Variants in AKAP13 observed in about 807,000 individuals in gnomAD.
AKAP13 encodes A-kinase anchor protein 13.
In AKAP13, 80 loss-of-function variants were observed where a neutral mutation model predicts 264.5. The ratio of observed to expected loss-of-function variants is 0.30; its 90% CI spans 0.25 to 0.36. The LOEUF is 0.36. AKAP13 is among the 10% of genes least tolerant of loss of function. AKAP13 has a pLI of 1.00. For missense variants in AKAP13, 3,712 were observed against 3,435.2 expected, an observed-to-expected ratio of 1.08 and a Z score of -2.01; for synonymous variants, 1,380 against 1,250.2, an observed-to-expected ratio of 1.10 and a Z score of -2.19.
chr15:85,410,151 C>G (rs2071889685), intron 1 of AKAP13, among the ~76,000 whole-genome samples: 2 of 151,264 alleles, frequency 1.3e-5, no homozygotes, highest in South Asian at 4.2e-4. Context: ...GTAATGTCTC[C>G]TTCCTTTCTT....
intron 1 of AKAP13, among the ~76,000 whole-genome samples, chr15:85,390,319 C>A (rs1055265191): frequency 5.3e-5 from 8 of 151,980 alleles, no homozygotes; most frequent in African/African-American, 1.9e-4. Flanking sequence ...TCAGACAAGG[C>A]CTTACTGAGG....
chr15:85,744,080 G>A, intron 36 of AKAP13: 1 of 487,920 alleles, frequency 2.0e-6, no homozygotes, highest in South Asian at 2.9e-5. Context: ...TCGAGGAACT[G>A]GAGCTCACCC....
At chr15:85,459,266 A>C (rs1011145268) in intron 1 of AKAP13, among the ~76,000 whole-genome samples, 3 of 151,262 alleles carry the variant, frequency 2.0e-5, no homozygotes, top group South Asian at 2.1e-4. Context: ...GCTCACTGCA[A>C]CCTCTGCCTT....
rs965561866 is a variant in AKAP13 at position 85,743,377 on chromosome 15, G to C, written c.8059-115G>C. Reference sequence around the variant, plus strand: ...AGACGTGAGCTCTGTAGAGTTCGCAGAGGTGGGTAAGTACCCAGCCAGCAC... The same window carrying C: ...AGACGTGAGCTCTGTAGAGTTCGCACAGGTGGGTAAGTACCCAGCCAGCAC... On this transcript the variant is annotated intron_variant, in intron 35 of 36. Transcript: ENST00000394518. The C allele has an allele frequency of 5.6e-4, 624 of 1,107,620 alleles. 3 individuals carry two copies. The highest frequency in any genetic ancestry group is 6.7e-4 in the Non-Finnish European group (520 of 774,428). 68.6% of individuals were successfully genotyped at this position (1,107,620 alleles called of 1,614,324 possible).
At chr15:85,602,422 C>T (rs759841751) in intron 8 of AKAP13, among the ~76,000 whole-genome samples, 16 of 151,858 alleles carry the variant, frequency 1.1e-4, no homozygotes, top group Admixed American at 2.6e-4. Context: ...GTGATCCTCC[C>T]GCCTCAGCCT....
In AKAP13 at chr15:85,449,139, AG is replaced by A. The variant is rs574884508; in HGVS notation, c.-11-36569del. ...CACCTCCCTGGTTAGCTGTATTCCT[AG>A]GTATTTTATTTTATGTTATTTTATG... On this transcript the variant is annotated intron_variant, in intron 1 of 36. Transcript: ENST00000394518. Among the ~76,000 whole-genome samples the A allele has an allele frequency of 2.6e-4, 39 of 152,022 alleles. No individual in the cohort carries two copies. In the East Asian group the frequency reaches 7.3e-3, roughly 29 times the overall value.
chr15:85,709,909 A>T (rs1444723303), intron 18 of AKAP13, among the ~76,000 whole-genome samples: 1 of 152,004 alleles, frequency 6.6e-6, no homozygotes, highest in African/African-American at 2.4e-5. Context: ...GCTGGTATCA[A>T]ACTCCTGACC....
At chr15:85,436,467 C>T (rs1238507113) in intron 1 of AKAP13, among the ~76,000 whole-genome samples, 2 of 145,486 alleles carry the variant, frequency 1.4e-5, no homozygotes, top group Non-Finnish European at 3.0e-5. Flanking sequence ...CCAAGCGGAC[C>T]TAATAGACAT....
chr15:85,732,546 T>G (rs1288873598), intron 30 of AKAP13, among the ~76,000 whole-genome samples: 1 of 150,420 alleles, frequency 6.6e-6, no homozygotes, highest in Non-Finnish European at 1.5e-5. Flanking sequence ...ATTTACACTT[T>G]CGAATTCACA....
chr15:85,731,092 C>A (rs1299203506), intron 30 of AKAP13, among the ~76,000 whole-genome samples: 1 of 150,988 alleles, frequency 6.6e-6, no homozygotes, highest in Admixed American at 6.6e-5. Context: ...GCAACCTCCC[C>A]CTCCTGGGTT....
intron 1 of AKAP13, among the ~76,000 whole-genome samples, chr15:85,440,042 A>T (rs889738807): frequency 1.3e-5 from 2 of 152,110 alleles, no homozygotes; most frequent in African/African-American, 4.8e-5. Flanking sequence ...GCATTTGGAA[A>T]TTACTGTAAA....
At chr15:85,610,270 T>A (rs1249055795) in intron 8 of AKAP13, among the ~76,000 whole-genome samples, 2 of 152,236 alleles carry the variant, frequency 1.3e-5, no homozygotes, top group Admixed American at 1.3e-4. Flanking sequence ...TAGATGATCA[T>A]ATGGAAAAGG....
intron 5 of AKAP13, among the ~76,000 whole-genome samples, chr15:85,562,870 TG>T (rs1313305617): frequency 0.012 from 413 of 35,530 alleles, 3 homozygotes; most frequent in Middle Eastern, 0.052. Context: ...AGGTTTTTTT[TG>T]TTTTTTTTTT....
chr15:85,442,462 TACATA>T (rs1567059429), intron 1 of AKAP13, among the ~76,000 whole-genome samples: 12 of 120,504 alleles, frequency 1.0e-4, no homozygotes, highest in Non-Finnish European at 1.7e-4. Flanking sequence ...ATATATAATA[TACATA>T]ATATATATTA....
chr15:85,392,467 A>G (rs1002980337), intron 1 of AKAP13, among the ~76,000 whole-genome samples: 1 of 151,188 alleles, frequency 6.6e-6, no homozygotes, highest in African/African-American at 2.4e-5. Flanking sequence ...GTTGGCCAGT[A>G]TGGTCTTGAT....
chr15:85,412,425 G>T (rs1393726576), intron 1 of AKAP13, among the ~76,000 whole-genome samples: 2 of 152,178 alleles, frequency 1.3e-5, no homozygotes, highest in Non-Finnish European at 2.9e-5. Flanking sequence ...CTTCTATTAA[G>T]CCAGACATTA....
rs2087515272 is a variant in AKAP13, at chr15:85,724,912, ATAAACT to A, written c.6746-1491_6746-1486del. On this transcript the variant is annotated intron_variant, in intron 26 of 36. Coordinates refer to ENST00000394518, the MANE Select transcript of AKAP13 (RefSeq NM_007200.5). The surrounding 1 kb of genome is among the most constrained non-coding windows in gnomAD (Gnocchi z 4.2). ...TGGCTGTGTATTTCATGGTTCTGTG[ATAAACT>A]TAAACTAAGGCTCCTTCCCTCCAGT... 1.3e-5 allele frequency among the ~76,000 whole-genome samples: 2 copies of A among 152,216 alleles called. No individual in the cohort carries two copies. The highest frequency in any genetic ancestry group is 4.8e-5 in the African/African-American group (2 of 41,536).
chr15:85,477,000 C>G (rs1029649722), intron 1 of AKAP13, among the ~76,000 whole-genome samples: 3 of 151,986 alleles, frequency 2.0e-5, no homozygotes, highest in African/African-American at 7.3e-5. Context: ...TCTAGGAAAA[C>G]TAAGGTGGGT....
Position 85,628,885 on chromosome 15 carries a change from T to C in AKAP13, c.4162-10489T>C, listed in dbSNP as rs547371430. 2.4e-4 allele frequency among the ~76,000 whole-genome samples: 36 copies of C among 152,310 alleles called. No homozygotes were observed. The South Asian group carries it at 7.3e-3, about 31-fold the overall frequency. ...AAAATTGTAAACAATTATTATTGAA[T>C]TCTAAGACAAATATAAGAATAAGAA... On this transcript the variant is annotated intron_variant, in intron 8 of 36. Transcript: ENST00000394518.
Sources: allele counts gnomAD v4.1 joint callset (sites outside exome capture counted in the v4.1 genomes callset), GRCh38; gene constraint gnomAD v4.1.1; non-coding constraint Gnocchi (gnomAD v3.1); transcripts MANE v1.5; gene names NCBI Gene and HGNC (gene_info 2026-07-23, HGNC 2026-07-21).